The following PPM1L variants were observed in gnomAD, a reference collection of about 807,000 sequenced individuals.
The protein encoded by PPM1L is protein phosphatase, Mg2+/Mn2+ dependent 1L.
Under a neutral mutation model 31.4 loss-of-function variants are expected in PPM1L, and 13 were observed. The ratio of observed to expected loss-of-function variants is 0.41; its 90% CI spans 0.27 to 0.66. The LOEUF is 0.66. PPM1L is among the 30% of genes least tolerant of loss of function. The pLI, the probability that PPM1L is intolerant of heterozygous loss-of-function variation, is 0.29. For synonymous variants in PPM1L, 184 were observed against 175.4 expected, an observed-to-expected ratio of 1.05 and a Z score of -0.39; for missense variants, 326 against 453.7, an observed-to-expected ratio of 0.72 and a Z score of 2.56.
At chr3:160,928,902 G>A (rs1453612302) in intron 1 of PPM1L, among the ~76,000 whole-genome samples, 2 of 152,094 alleles carry the variant, frequency 1.3e-5, no homozygotes, top group Admixed American at 6.6e-5. Flanking sequence ...TCACTCTGTC[G>A]TATATTGTTA....
intron 1 of PPM1L, among the ~76,000 whole-genome samples, chr3:160,897,835 C>A (rs1247558073): frequency 6.6e-6 from 1 of 152,178 alleles, no homozygotes; most frequent in African/African-American, 2.4e-5. Flanking sequence ...AATAACAATA[C>A]TCTCAGTGTC....
At chr3:161,048,389 C>T (rs1368358010) in intron 2 of PPM1L, among the ~76,000 whole-genome samples, 3 of 152,220 alleles carry the variant, frequency 2.0e-5, no homozygotes, top group Non-Finnish European at 2.9e-5. Context: ...GATACCATCT[C>T]ATACCAGTTA....
chr3:160,893,266 G>A (rs1454652506), intron 1 of PPM1L, among the ~76,000 whole-genome samples: 1 of 152,126 alleles, frequency 6.6e-6, no homozygotes, highest in Non-Finnish European at 1.5e-5. Context: ...ATAGAAGGCA[G>A]GGAACCAATA....
chr3:161,028,984 TA>T (rs1320744084), intron 2 of PPM1L, among the ~76,000 whole-genome samples: 1 of 152,240 alleles, frequency 6.6e-6, no homozygotes. Flanking sequence ...TTGGGTTTCA[TA>T]TTACACTCCC....
intron 1 of PPM1L, among the ~76,000 whole-genome samples, chr3:160,907,023 G>C (rs1713786235): frequency 6.6e-6 from 1 of 152,176 alleles, no homozygotes; most frequent in South Asian, 2.1e-4. Flanking sequence ...CAAGTCACTT[G>C]GTCCAGCCCA....
intron 1 of PPM1L, among the ~76,000 whole-genome samples, chr3:160,910,221 C>CCTTTCCTTTCCCCTTCCT (rs1713910164): frequency 8.3e-6 from 1 of 121,148 alleles, no homozygotes; most frequent in African/African-American, 3.3e-5. Flanking sequence ...TTCCCCTTCC[C>CCTTTCCTTTCCCCTTCCT]CTTTCCTTTC....
intron 1 of PPM1L, among the ~76,000 whole-genome samples, chr3:160,944,632 G>A (rs1207909747): frequency 6.9e-6 from 1 of 145,164 alleles, no homozygotes; most frequent in Non-Finnish European, 1.5e-5. Flanking sequence ...GCTTATTTTT[G>A]TACACCTCAA....
At chr3:161,020,248 C>T (rs760343697) in intron 2 of PPM1L, among the ~76,000 whole-genome samples, 3 of 151,946 alleles carry the variant, frequency 2.0e-5, no homozygotes, top group Admixed American at 6.6e-5. Flanking sequence ...CCTGAACCCT[C>T]GTGTAGGCAA....
In PPM1L at chr3:160,872,653, G is replaced by A. The variant is rs371507466; in HGVS notation, c.400-89083G>A. 3.9e-5 allele frequency among the ~76,000 whole-genome samples: 6 copies of A among 152,282 alleles called. 1 individual carries two copies. Among genetic ancestry groups the A allele is most frequent in the South Asian group, 4.1e-4 (2 of 4,824 alleles). ...TTATATAAAGATATTAGGGCTGGGC[G>A]CGGTGGCTTACGTCTGTAATCCCAG... On this transcript the variant is annotated intron_variant, in intron 1 of 3. Coordinates refer to ENST00000498165, the MANE Select transcript of PPM1L (RefSeq NM_139245.4).
intron 2 of PPM1L, among the ~76,000 whole-genome samples, chr3:161,044,141 G>A (rs1237391209): frequency 6.6e-6 from 1 of 152,092 alleles, no homozygotes; most frequent in Non-Finnish European, 1.5e-5. Context: ...CTGGGTTCAA[G>A]CAATTCTCCT....
At chr3:160,924,739 A>G (rs879769809) in intron 1 of PPM1L, among the ~76,000 whole-genome samples, 3 of 152,218 alleles carry the variant, frequency 2.0e-5, no homozygotes, top group Non-Finnish European at 4.4e-5. Flanking sequence ...TCAAAGAGAA[A>G]AATCTCCAGA....
intron 1 of PPM1L, among the ~76,000 whole-genome samples, chr3:160,833,590 G>A (rs1713590256): frequency 6.6e-6 from 1 of 151,836 alleles, no homozygotes; most frequent in South Asian, 2.1e-4. Context: ...TTTGAGAAAT[G>A]TCTGTTCATG....
At chr3:160,926,002 TGA>T (rs1293496243) in intron 1 of PPM1L, among the ~76,000 whole-genome samples, 1 of 152,124 alleles carries the variant, frequency 6.6e-6, no homozygotes. Flanking sequence ...GGAATATTAC[TGA>T]GAGAAGGAGA....
At chr3:160,765,852 C>T (rs1327726364) in intron 1 of PPM1L, among the ~76,000 whole-genome samples, 2 of 151,920 alleles carry the variant, frequency 1.3e-5, no homozygotes, top group Admixed American at 1.3e-4. Context: ...AAAACAGTTT[C>T]CTATTGCATA....
rs1719878830 is a variant in PPM1L, at chr3:161,070,656, C to G, written c.*1499C>G. The G allele has an allele frequency of 6.6e-6, 1 of 152,186 alleles. No individual in the cohort carries two copies. The highest frequency in any genetic ancestry group is 1.5e-5 in the Non-Finnish European group (1 of 68,042). 9.4% of individuals were successfully genotyped at this position (152,186 alleles called of 1,614,324 possible). A position where few individuals can be genotyped will look rare whatever the true frequency, so the allele number is the denominator to read the frequency against. On this transcript the variant is annotated 3_prime_UTR_variant, in exon 4 of 4. Transcript: ENST00000498165. ...AACAGCCAAACGAAACTTCCGTTGC[C>G]TCCCAGCCCTCTGTATCCACCTGGT... is the stretch of plus-strand genomic sequence containing the variant.
intron 1 of PPM1L, among the ~76,000 whole-genome samples, chr3:160,869,995 A>G (rs890766922): frequency 6.6e-5 from 10 of 151,654 alleles, no homozygotes; most frequent in African/African-American, 9.7e-5. Context: ...CTGTTACTCA[A>G]TCCCTCCTGA....
chr3:160,973,866 T>C (rs554557897), intron 2 of PPM1L, among the ~76,000 whole-genome samples: 1 of 150,726 alleles, frequency 6.6e-6, no homozygotes, highest in South Asian at 2.1e-4. Flanking sequence ...TTTTTTCTAA[T>C]TTATTTATGT....
intron 1 of PPM1L, among the ~76,000 whole-genome samples, chr3:160,832,115 A>T (rs940036204): frequency 6.6e-6 from 1 of 152,196 alleles, no homozygotes; most frequent in Non-Finnish European, 1.5e-5. Flanking sequence ...GTATGTGTTC[A>T]TTTTATTCAG....
intron 1 of PPM1L, among the ~76,000 whole-genome samples, chr3:160,778,921 G>A (rs901606393): frequency 6.6e-5 from 10 of 152,062 alleles, no homozygotes; most frequent in Non-Finnish European, 1.3e-4. Flanking sequence ...AAAGAATATG[G>A]TATGAAAAAC....
Sources: allele counts gnomAD v4.1 joint callset (sites outside exome capture counted in the v4.1 genomes callset), GRCh38; gene constraint gnomAD v4.1.1; transcripts MANE v1.5; gene names NCBI Gene and HGNC (gene_info 2026-07-23, HGNC 2026-07-21).